Variants in EXPH5 observed in about 807,000 individuals in gnomAD.
EXPH5 encodes the protein exophilin 5, also known as exophilin-5.
A neutral mutation model predicts 41.1 loss-of-function variants in EXPH5; 42 were observed. The observed-to-expected ratio is 1.02, with a 90% CI of 0.80 to 1.32. The LOEUF is 1.32. Among genes scored for constraint, EXPH5 ranks in the 40% most tolerant of loss-of-function variants. The probability of loss-of-function intolerance (pLI) is 0.00; values close to 1 mark genes in which losing one functional copy is unlikely to be tolerated. For missense variants in EXPH5, 2,298 were observed against 2,314.5 expected, an observed-to-expected ratio of 0.99 and a Z score of 0.15; for synonymous variants, 798 against 833.5, an observed-to-expected ratio of 0.96 and a Z score of 0.73.
chr11:108,570,433 T>G (rs2094055077), intron 1 of EXPH5, among the ~76,000 whole-genome samples: 2 of 152,010 alleles, frequency 1.3e-5, no homozygotes, highest in South Asian at 4.2e-4. Context: ...TTTTGTATTT[T>G]TAGTAGAGAT....
At chr11:108,593,772 G>A, upstream of EXPH5, 1 of 1,535,270 alleles carries the variant, frequency 6.5e-7, no homozygotes, top group East Asian at 2.4e-5. Context: ...CAAAGTGAAC[G>A]GCTAAAGGGA....
chr11:108,540,780 C>T (rs1436819012), intron 2 of EXPH5, among the ~76,000 whole-genome samples: 2 of 151,810 alleles, frequency 1.3e-5, no homozygotes, highest in Non-Finnish European at 2.9e-5. Context: ...CCTCCACCAC[C>T]TTCCCTCCCT....
At chr11:108,549,128 T>C (rs985206798) in intron 1 of EXPH5, among the ~76,000 whole-genome samples, 13 of 152,230 alleles carry the variant, frequency 8.5e-5, no homozygotes, top group Non-Finnish European at 1.8e-4. Flanking sequence ...AAATTACTAA[T>C]ACACAGCTTG....
Position 108,512,179 on chromosome 11 carries a change from C to G in EXPH5, c.3328G>C (p.Val1110Leu). The change falls in exon 6 of 6, where the codon GTT becomes CTT. Residue 1110 changes from valine to leucine, a missense_variant. Coordinates refer to ENST00000265843, the MANE Select transcript of EXPH5 (RefSeq NM_015065.3). The stretch of plus-strand genomic sequence containing the variant: ...AGGAATGGAAGTGGTCCTTTTCTAA[C>G]GGAAGTAGATCCACTGCTTTTTACA... ...TNVKSSGSTS[V>L]RKGPLPFLIN... The G allele has an allele frequency of 1.9e-6, 3 of 1,611,370 alleles. No homozygotes were observed. The South Asian group carries it at 3.3e-5, about 18-fold the overall frequency.
At chr11:108,529,145 AAG>A (rs1010577296) in intron 3 of EXPH5, among the ~76,000 whole-genome samples, 44 of 152,120 alleles carry the variant, frequency 2.9e-4, no homozygotes, top group African/African-American at 1.0e-3. Context: ...TAAAAAAAAA[AAG>A]AGAGAAAAAA....
chr11:108,583,237 C>A (rs943080783), intron 1 of EXPH5, among the ~76,000 whole-genome samples: 4 of 151,846 alleles, frequency 2.6e-5, no homozygotes, highest in Non-Finnish European at 5.9e-5. Context: ...AAAAAATTAG[C>A]CGGGCGTGGT....
At position 108,514,522 on chromosome 11, in the gene EXPH5, A is replaced by G; in HGVS notation, c.985T>C (p.Ser329Pro). Residue 329 changes from serine to proline, a missense_variant, in exon 6 of 6, where the codon TCG becomes CCG. By Grantham distance (74) the Ser-to-Pro change is moderately conservative. Transcript: ENST00000265843. Reference sequence around the variant, plus strand: ...AAATGCCCTGTGGCTGGTAAGGCCGACCGTTGCCTGCTGTCAAAACACAGC... The same window carrying G: ...AAATGCCCTGTGGCTGGTAAGGCCGGCCGTTGCCTGCTGTCAAAACACAGC... ...TSLCFDSRQR[S>P]ALPATGHFTA... 1 of 1,612,854 alleles carries G rather than the reference A, an allele frequency of 6.2e-7. No individual in the cohort carries two copies. Among genetic ancestry groups the G allele is most frequent in the Non-Finnish European group, 8.5e-7 (1 of 1,179,462 alleles).
At chr11:108,545,481 ATAGTGATAAACATGACT>A (rs925293476) in intron 1 of EXPH5, among the ~76,000 whole-genome samples, 1 of 152,222 alleles carries the variant, frequency 6.6e-6, no homozygotes, top group Non-Finnish European at 1.5e-5. Flanking sequence ...AAGGTAACAA[ATAGTGATAAACATGACT>A]TATTCACTCA....
Position 108,518,253 on chromosome 11 carries a change from C to G in EXPH5, c.613G>C (p.Glu205Gln), listed in dbSNP as rs749692233. 1 of 1,613,362 alleles carries G rather than the reference C, an allele frequency of 6.2e-7. No individual in the cohort carries two copies. Among genetic ancestry groups the G allele is most frequent in the Admixed American group, 1.7e-5 (1 of 59,860 alleles). ...MPPPWDASLL[E>Q]NEFFQVLDDL... is the part of the protein sequence containing the mutation. Reference sequence around the variant, plus strand: ...AACTTACCTTGGAAAAACTCATTCTCCAGCAGTGAAGCATCCCACGGTGGA... The same window carrying G: ...AACTTACCTTGGAAAAACTCATTCTGCAGCAGTGAAGCATCCCACGGTGGA... The change falls in exon 5 of 6, where the codon GAG (glutamate) becomes CAG (glutamine). Residue 205 changes from glutamate to glutamine, a missense_variant. Transcript: ENST00000265843.
At chr11:108,582,198 T>C (rs1285609641) in intron 1 of EXPH5, among the ~76,000 whole-genome samples, 3 of 152,108 alleles carry the variant, frequency 2.0e-5, no homozygotes, top group South Asian at 4.2e-4. Flanking sequence ...GCGTGGTGGC[T>C]CATGGCTGTA....
chr11:108,593,777 A>G, upstream of EXPH5: 1 of 1,535,014 alleles, frequency 6.5e-7, no homozygotes. Context: ...TGAACGGCTA[A>G]AGGGAGAGAG....
At chr11:108,570,595 C>T (rs1161402657) in intron 1 of EXPH5, among the ~76,000 whole-genome samples, 1 of 152,166 alleles carries the variant, frequency 6.6e-6, no homozygotes, top group African/African-American at 2.4e-5. Flanking sequence ...GCTCGGGCTG[C>T]AGTGCAGTGG....
the EXPH5 span, among the ~76,000 whole-genome samples, chr11:108,604,831 T>A: frequency 6.6e-6 from 1 of 152,150 alleles, no homozygotes; most frequent in East Asian, 1.9e-4. Context: ...TAGGATGAAA[T>A]CAGTTTTAGG....
chr11:108,582,520 T>C (rs1306601996), intron 1 of EXPH5, among the ~76,000 whole-genome samples: 2 of 151,706 alleles, frequency 1.3e-5, no homozygotes, highest in Non-Finnish European at 2.9e-5. Flanking sequence ...GTACCTCTCA[T>C]GAACCCAGAT....
At position 108,544,719 on chromosome 11, in the gene EXPH5, A is replaced by G. The variant is rs188008538; in HGVS notation, c.120-2907T>C. On this transcript the variant is annotated intron_variant, in intron 1 of 5. Transcript: ENST00000265843. Reference sequence around the variant, plus strand: ...GTAGTTGCTAACAATAATTATGTAGACAACATAGAATCCTGGGAAAATGCA... The same window carrying G: ...GTAGTTGCTAACAATAATTATGTAGGCAACATAGAATCCTGGGAAAATGCA... Among the ~76,000 whole-genome samples, 62 of 152,340 alleles carry G rather than the reference A, an allele frequency of 4.1e-4. No individual in the cohort carries two copies. In the East Asian group the frequency reaches 0.011, roughly 27 times the overall value.
chr11:108,518,914 T>C (rs765168842), intron 4 of EXPH5, among the ~76,000 whole-genome samples: 5 of 152,136 alleles, frequency 3.3e-5, no homozygotes, highest in Admixed American at 6.5e-5. Context: ...GCCAGCACCA[T>C]GACAGTTTCA....
intron 1 of EXPH5, among the ~76,000 whole-genome samples, chr11:108,548,183 A>G (rs748843580): frequency 4.6e-5 from 7 of 151,244 alleles, no homozygotes; most frequent in Non-Finnish European, 8.8e-5. Flanking sequence ...TTTAATTTAA[A>G]AACCAGCTCA....
In EXPH5 at chr11:108,587,435, A is replaced by G. The variant is rs889702323; in HGVS notation, c.119+5983T>C. On this transcript the variant is annotated intron_variant, in intron 1 of 5. Transcript: ENST00000265843. ...TTGTATTGCCTATAGCAGTAAGTTA[A>G]GTTCCATTTGACTAGGTATTGAGTA... is the stretch of plus-strand genomic sequence containing the variant. Among the ~76,000 whole-genome samples, 6 of 152,174 alleles carry G rather than the reference A, an allele frequency of 3.9e-5. 1 individual carries two copies. Among genetic ancestry groups the G allele is most frequent in the South Asian group, 4.1e-4 (2 of 4,828 alleles).
chr11:108,518,360 T>C lies in EXPH5; in HGVS notation c.506A>G (p.Tyr169Cys), dbSNP rs1186268668. 2.5e-6 allele frequency: 4 copies of C among 1,613,626 alleles called. No homozygotes were observed. The highest frequency in any genetic ancestry group is 3.4e-6 in the Non-Finnish European group (4 of 1,179,844). The change falls in exon 5 of 6, where the codon TAC becomes TGC. Residue 169 changes from tyrosine (Y) to cysteine (C), a missense_variant. Tyr to Cys is a radical substitution (Grantham distance 194). Transcript: ENST00000265843. Reference sequence around the variant, plus strand: ...TAGATGATTTTCCAGAGGTGAATTGTATATTTTTGCCTGCTAATTTTAAAG... The same window carrying C: ...TAGATGATTTTCCAGAGGTGAATTGCATATTTTTGCCTGCTAATTTTAAAG... ...VRGAAVQAKI[Y>C]NSPLENHLVD...
Sources: gnomAD v4.1 joint callset for allele counts (sites outside exome capture counted in the v4.1 genomes callset) on GRCh38, gnomAD v4.1.1 for gene constraint, MANE v1.5 for transcripts, NCBI Gene and HGNC (gene_info 2026-07-23, HGNC 2026-07-21) for gene names.